Variants in INKA2 observed in about 807,000 individuals in gnomAD.
INKA2 encodes inka box actin regulator 2.
INKA2 carries 3 observed loss-of-function variants against 9.8 expected under a neutral mutation model. The observed-to-expected ratio is 0.31, with a 90% CI of 0.14 to 0.79. The LOEUF is 0.79. Among genes scored for constraint, INKA2 ranks in the 30% least tolerant of loss-of-function variants. The probability of loss-of-function intolerance (pLI) is 0.62; values close to 1 mark genes in which losing one functional copy is unlikely to be tolerated. For missense variants in INKA2, 392 were observed against 384.4 expected (o/e 1.02, Z -0.17); for synonymous variants, 147 against 143.3 (o/e 1.03, Z -0.18).
intron 1 of INKA2, among the ~76,000 whole-genome samples, chr1:111,749,993 A>G (rs1338218367): frequency 6.6e-6 from 1 of 152,212 alleles, no homozygotes; most frequent in Non-Finnish European, 1.5e-5. Context: ...ATGTCCCATC[A>G]GTCTCTAATA....
intron 1 of INKA2, among the ~76,000 whole-genome samples, chr1:111,731,153 C>A (rs1170683661): frequency 6.6e-6 from 1 of 152,170 alleles, no homozygotes; most frequent in Non-Finnish European, 1.5e-5. Context: ...TGTGGGTATG[C>A]ATGAATTCAA....
intron 1 of INKA2, chr1:111,747,166 C>T (rs1391194102): frequency 6.6e-6 from 1 of 152,204 alleles, no homozygotes; most frequent in Non-Finnish European, 1.5e-5. Flanking sequence ...GGCAGGTGTT[C>T]TAGGGGAATC....
rs759584412 is a variant in INKA2, at chr1:111,722,093, G to A, written c.*4875C>T. 7 of 152,356 alleles carry A rather than the reference G, an allele frequency of 4.6e-5. No individual in the cohort carries two copies. The highest frequency in any genetic ancestry group is 1.0e-4 in the Non-Finnish European group (7 of 68,172). 9.4% of individuals were successfully genotyped at this position (152,356 alleles called of 1,614,324 possible). ...TTTCATCATACTGTTTATTTTAGGG[G>A]TTGGGTGGAGGAGGCAAAAGGAAGG... On this transcript the variant is annotated 3_prime_UTR_variant, in exon 2 of 2. Transcript: ENST00000357260.
chr1:111,731,831 C>T (rs189472592), intron 1 of INKA2, among the ~76,000 whole-genome samples: 1 of 152,350 alleles, frequency 6.6e-6, no homozygotes, highest in East Asian at 1.9e-4. Context: ...AAACTTAGCA[C>T]ATAGTAATGA....
intron 1 of INKA2, among the ~76,000 whole-genome samples, chr1:111,732,568 T>TACACACAC (rs3085876): frequency 0.014 from 1,975 of 142,934 alleles, 46 homozygotes; most frequent in African/African-American, 0.045. Flanking sequence ...CTCTCTCTGT[T>TACACACAC]ACACACACAC....
intron 1 of INKA2, among the ~76,000 whole-genome samples, chr1:111,738,843 G>C (rs1435309430): frequency 3.9e-5 from 6 of 152,236 alleles, no homozygotes; most frequent in East Asian, 1.9e-4. Context: ...TTTCCGCGTC[G>C]GCGGCGCGGG....
At chr1:111,732,786 C>T (rs1012047652) in intron 1 of INKA2, among the ~76,000 whole-genome samples, 3 of 152,182 alleles carry the variant, frequency 2.0e-5, no homozygotes, top group African/African-American at 7.2e-5. Flanking sequence ...CTTCAGTCTC[C>T]ATGGCTGCAG....
At chr1:111,741,475 C>A (rs1321966809), upstream of INKA2, among the ~76,000 whole-genome samples, 1 of 152,172 alleles carries the variant, frequency 6.6e-6, no homozygotes, top group Admixed American at 6.5e-5. Context: ...GAGCTGCCCC[C>A]AAGGACACAG....
intron 1 of INKA2, chr1:111,753,218 C>A (rs1663446936): frequency 6.6e-6 from 1 of 152,144 alleles, no homozygotes; most frequent in African/African-American, 2.4e-5. Context: ...AGCATCTGGG[C>A]TAGTTGGGTC....
rs1662783233 is a variant in INKA2 at position 111,726,900 on chromosome 1, C to CT, written c.*67dup. 1 of 1,483,824 alleles carries CT rather than the reference C, an allele frequency of 6.7e-7. No homozygotes were observed. The highest frequency in any genetic ancestry group is 9.2e-7 in the Non-Finnish European group (1 of 1,092,484). 91.9% of individuals were successfully genotyped at this position (1,483,824 alleles called of 1,614,324 possible). A position where few individuals can be genotyped will look rare whatever the true frequency, so the allele number is the denominator to read the frequency against. ...TCGAGAGCCATACCGCCCACCCTCCCTCCTCCCCAGGGGCCCAGCACTGGG... is the reference window on the plus strand; with the variant it reads ...TCGAGAGCCATACCGCCCACCCTCCCTTCCTCCCCAGGGGCCCAGCACTGGG... On this transcript the variant is annotated 3_prime_UTR_variant, in exon 2 of 2. Coordinates refer to ENST00000357260, the MANE Select transcript of INKA2 (RefSeq NM_019099.5).
At chr1:111,732,605 C>T (rs1275448493) in intron 1 of INKA2, among the ~76,000 whole-genome samples, 1 of 131,118 alleles carries the variant, frequency 7.6e-6, no homozygotes, top group African/African-American at 3.3e-5. Flanking sequence ...ACACACAGAA[C>T]TAACCTGCTC....
At chr1:111,755,559 G>C in intron 1 of INKA2, 3 of 904,564 alleles carry the variant, frequency 3.3e-6, no homozygotes, top group Non-Finnish European at 4.9e-6. Flanking sequence ...GTGACGCACC[G>C]GGCGCATCAC....
chr1:111,733,124 C>T (rs1345222515), intron 1 of INKA2, among the ~76,000 whole-genome samples: 2 of 152,166 alleles, frequency 1.3e-5, no homozygotes, highest in Non-Finnish European at 2.9e-5. Context: ...CCCAGCATTC[C>T]TCCCCAGACC....
At chr1:111,738,785 C>T (rs924891022) in intron 1 of INKA2, among the ~76,000 whole-genome samples, 10 of 152,310 alleles carry the variant, frequency 6.6e-5, no homozygotes, top group Non-Finnish European at 4.4e-5. Flanking sequence ...CCGCGCAGCC[C>T]CGCACCCAGG....
chr1:111,741,657 G>A (rs1222969435), upstream of INKA2, among the ~76,000 whole-genome samples: 1 of 152,234 alleles, frequency 6.6e-6, no homozygotes, highest in East Asian at 1.9e-4. Flanking sequence ...CCAGTCTCCA[G>A]CACGGTAGTC....
At chr1:111,751,010 T>C (rs958284486) in intron 1 of INKA2, among the ~76,000 whole-genome samples, 3 of 152,230 alleles carry the variant, frequency 2.0e-5, no homozygotes, top group African/African-American at 7.2e-5. Context: ...AATATCTTTC[T>C]GAGACTTGTC....
At chr1:111,738,833 T>C (rs1663067591) in intron 1 of INKA2, among the ~76,000 whole-genome samples, 1 of 151,962 alleles carries the variant, frequency 6.6e-6, no homozygotes, top group Non-Finnish European at 1.5e-5. Flanking sequence ...GCTCTCGCGC[T>C]TTCCGCGTCG....
intron 1 of INKA2, among the ~76,000 whole-genome samples, chr1:111,730,233 A>T (rs530777489): frequency 6.6e-6 from 1 of 152,312 alleles, no homozygotes; most frequent in African/African-American, 2.4e-5. Context: ...GACCAAACTC[A>T]GTGCCTCCCT....
intron 1 of INKA2, among the ~76,000 whole-genome samples, chr1:111,734,467 T>A (rs1292108223): frequency 6.6e-6 from 1 of 151,926 alleles, no homozygotes; most frequent in African/African-American, 2.4e-5. Flanking sequence ...TTCTAACTCA[T>A]CCTCCTGCCT....
Sources: allele counts gnomAD v4.1 joint callset (sites outside exome capture counted in the v4.1 genomes callset), GRCh38; gene constraint gnomAD v4.1.1; transcripts MANE v1.5; gene names NCBI Gene and HGNC (gene_info 2026-07-23, HGNC 2026-07-21).